Variants in PCDHA2 observed in about 807,000 individuals in gnomAD.
PCDHA2 encodes the protein protocadherin alpha 2.
In PCDHA2, 58 loss-of-function variants were observed where a neutral mutation model predicts 66.0. The ratio of observed to expected loss-of-function variants is 0.88; its 90% CI spans 0.71 to 1.09. PCDHA2 has a LOEUF of 1.09. Ranked by LOEUF, PCDHA2 falls within the 50% of genes least tolerant of loss-of-function variation. PCDHA2 has a pLI of 0.00. For missense variants in PCDHA2, 1,267 were observed against 1,242.3 expected, an observed-to-expected ratio of 1.02 and a Z score of -0.30; for synonymous variants, 634 against 554.0, an observed-to-expected ratio of 1.14 and a Z score of -2.03.
chr5:140,803,042 C>T lies in PCDHA2; in HGVS notation c.2388+5690C>T, dbSNP rs373825257. ...TTTCGTATGAGCTGCAGCCTGGGAC[C>T]GGCGGTGCGCGCATCCCGTTTCGCG... On this transcript the variant is annotated intron_variant, in intron 1 of 3. Coordinates refer to ENST00000526136, the MANE Select transcript of PCDHA2 (RefSeq NM_018905.3). 3.7e-6 allele frequency: 6 copies of T among 1,614,004 alleles called. No homozygotes were observed. The Admixed American group carries it at 6.7e-5, about 18-fold the overall frequency.
intron 3 of PCDHA2, among the ~76,000 whole-genome samples, chr5:140,994,795 G>A (rs2097650396): frequency 6.6e-6 from 1 of 152,184 alleles, no homozygotes; most frequent in Admixed American, 6.6e-5. Flanking sequence ...ATGCGTGCAT[G>A]CAAAAACAAA....
At chr5:140,862,549 C>T in intron 1 of PCDHA2, 3 of 457,652 alleles carry the variant, frequency 6.6e-6, no homozygotes, top group South Asian at 5.1e-5. Context: ...TGGAAGTGGC[C>T]GAACAGTGAA....
intron 1 of PCDHA2, among the ~76,000 whole-genome samples, chr5:140,798,834 A>C (rs1554120774): frequency 6.6e-6 from 1 of 152,228 alleles, no homozygotes. Flanking sequence ...GATGTATTGC[A>C]ATAAAATAAC....
chr5:140,929,539 G>A (rs155821), intron 1 of PCDHA2: 194,060 of 591,620 alleles, frequency 0.33, 32,601 homozygotes, highest in East Asian at 0.49. Flanking sequence ...TGAGAAACAA[G>A]GGCAAAAATT....
chr5:140,880,891 C>T (rs1475261918), intron 1 of PCDHA2, among the ~76,000 whole-genome samples: 2 of 151,984 alleles, frequency 1.3e-5, no homozygotes, highest in Non-Finnish European at 2.9e-5. Flanking sequence ...AATGTAGGGC[C>T]AGATAGAAAG....
chr5:140,937,130 C>T (rs899242411), intron 1 of PCDHA2, among the ~76,000 whole-genome samples: 12 of 151,674 alleles, frequency 7.9e-5, no homozygotes, highest in Non-Finnish European at 1.3e-4. Flanking sequence ...CTCCGCCTCC[C>T]GGGTTCATGC....
chr5:140,894,239 A>C (rs1323710769), intron 1 of PCDHA2, among the ~76,000 whole-genome samples: 11 of 152,028 alleles, frequency 7.2e-5, no homozygotes, highest in African/African-American at 2.2e-4. Flanking sequence ...ATGACAATGT[A>C]ATTTTCTTTT....
chr5:140,803,204 G>A, intron 1 of PCDHA2: 1 of 1,613,900 alleles, frequency 6.2e-7, no homozygotes, highest in Non-Finnish European at 8.5e-7. Context: ...TGGTGTCGCT[G>A]GTGGAGAGTG....
chr5:140,795,830 T>C lies in PCDHA2; in HGVS notation c.866T>C (p.Ile289Thr). 1.2e-6 allele frequency: 2 copies of C among 1,613,818 alleles called. No individual in the cohort carries two copies. The highest frequency in any genetic ancestry group is 8.5e-7 in the Non-Finnish European group (1 of 1,179,918). Residue 289 changes from isoleucine (I) to threonine (T), a missense_variant, in exon 1 of 4, where the codon ATA (isoleucine) becomes ACA (threonine). Coordinates refer to ENST00000526136, the MANE Select transcript of PCDHA2 (RefSeq NM_018905.3). ...YSLGSDVSST[I>T]QTKFTIDPIS... ...CTCGGTAGTGATGTGTCCTCCACTA[T>C]ACAGACTAAGTTTACCATAGATCCC...
intron 1 of PCDHA2, among the ~76,000 whole-genome samples, chr5:140,897,728 A>G (rs1554187548): frequency 6.6e-6 from 1 of 152,092 alleles, no homozygotes; most frequent in Non-Finnish European, 1.5e-5. Flanking sequence ...TGGGTCAAAT[A>G]GTATTTCTAG....
chr5:140,796,647 C>T lies in PCDHA2; in HGVS notation c.1683C>T (p.Asn561=). 2 of 1,613,846 alleles carry T rather than the reference C, an allele frequency of 1.2e-6. No homozygotes were observed. Among genetic ancestry groups the T allele is most frequent in the Non-Finnish European group, 8.5e-7 (1 of 1,179,884 alleles). The part of the protein sequence containing the change: ...LQVFVLDEND[N]APALLAPRAG... ...TGTTCGTGCTGGACGAGAACGACAA[C>T]GCGCCGGCACTGTTGGCGCCTAGGG... is the stretch of plus-strand genomic sequence containing the variant. Residue 561 remains asparagine, a synonymous_variant, in exon 1 of 4, where the codon AAC becomes AAT. Coordinates refer to ENST00000526136, the MANE Select transcript of PCDHA2 (RefSeq NM_018905.3).
At chr5:140,862,911 G>C (rs781861917) in intron 1 of PCDHA2, 3 of 549,326 alleles carry the variant, frequency 5.5e-6, no homozygotes. Flanking sequence ...CGCTGCTGGC[G>C]CCTTGGGTGG....
intron 1 of PCDHA2, chr5:140,863,305 T>C: frequency 1.4e-6 from 2 of 1,463,102 alleles, no homozygotes; most frequent in Non-Finnish European, 1.9e-6. Context: ...CATCGCCATC[T>C]GCGTGGTGTC....
chr5:140,877,179 G>A (rs1554169418), intron 1 of PCDHA2: 8 of 1,613,712 alleles, frequency 5.0e-6, no homozygotes, highest in East Asian at 2.2e-5. Flanking sequence ...TGGCGACTCC[G>A]GCTGGCAGCG....
At chr5:140,838,076 T>G (rs13170073) in intron 1 of PCDHA2, among the ~76,000 whole-genome samples, 582 of 31,102 alleles carry the variant, frequency 0.019, 3 homozygotes, top group Middle Eastern at 0.08. Flanking sequence ...TATATATATA[T>G]AGTGTGTGTG....
intron 1 of PCDHA2, chr5:140,816,479 TC>T (rs1765913438): frequency 1.3e-5 from 2 of 151,236 alleles, no homozygotes; most frequent in Admixed American, 1.3e-4. Context: ...TAGCTCTATT[TC>T]TTTAGGTTTG....
Position 140,901,240 on chromosome 5 carries a change from C to T in PCDHA2, c.2389-77709C>T, listed in dbSNP as rs868923936. 8.9e-4 allele frequency among the ~76,000 whole-genome samples: 135 copies of T among 151,946 alleles called. 1 individual carries two copies. Among genetic ancestry groups the T allele is most frequent in the Middle Eastern group, 6.8e-3 (2 of 294 alleles). The stretch of plus-strand genomic sequence containing the variant: ...TGTGATCCCATATATCCATTTTTTT[C>T]CTTTGGTTCCCTGTGATTGTGGGGT... On this transcript the variant is annotated intron_variant, in intron 1 of 3. Transcript: ENST00000526136.
chr5:140,981,502 A>G (rs2096935392), intron 2 of PCDHA2, among the ~76,000 whole-genome samples: 2 of 152,218 alleles, frequency 1.3e-5, no homozygotes, highest in Non-Finnish European at 2.9e-5. Flanking sequence ...TGAACCTGGG[A>G]GGCAGAGGTT....
At chr5:140,935,047 A>G (rs782161261) in intron 1 of PCDHA2, among the ~76,000 whole-genome samples, 11 of 152,140 alleles carry the variant, frequency 7.2e-5, no homozygotes, top group Admixed American at 3.3e-4. Flanking sequence ...GATTTCTGGT[A>G]TTACAAGATG....
Sources: allele counts gnomAD v4.1 joint callset (sites outside exome capture counted in the v4.1 genomes callset), GRCh38; gene constraint gnomAD v4.1.1; transcripts MANE v1.5; gene names NCBI Gene and HGNC (gene_info 2026-07-23, HGNC 2026-07-21).